CDH8: variants seen among roughly 807,000 people sequenced by gnomAD.
CDH8 encodes cadherin-8.
Under a neutral mutation model 68.1 loss-of-function variants are expected in CDH8, and 17 were observed. That is an observed-to-expected ratio of 0.25 (90% confidence interval 0.17 to 0.37). CDH8 has a LOEUF of 0.37. Ranked by LOEUF, CDH8 falls within the 10% of genes least tolerant of loss-of-function variation. The probability of loss-of-function intolerance (pLI) is 1.00; values close to 1 mark genes in which losing one functional copy is unlikely to be tolerated. For missense variants in CDH8, 763 were observed against 999.3 expected (o/e 0.76, Z 3.19); for synonymous variants, 372 against 365.1 (o/e 1.02, Z -0.21).
intron 10 of CDH8, among the ~76,000 whole-genome samples, chr16:61,711,414 T>C (rs1480563751): frequency 6.6e-6 from 1 of 151,864 alleles, no homozygotes; most frequent in Non-Finnish European, 1.5e-5. Flanking sequence ...TTTTAACATT[T>C]TTCTTGCAGG....
chr16:61,799,085 A>G (rs1270799802), intron 7 of CDH8, among the ~76,000 whole-genome samples: 1 of 152,062 alleles, frequency 6.6e-6, no homozygotes, highest in Non-Finnish European at 1.5e-5. Context: ...CTCACTGCTT[A>G]CCCCCAGGAC....
chr16:61,686,208 AATT>A (rs1964103016), intron 10 of CDH8, among the ~76,000 whole-genome samples: 1 of 152,022 alleles, frequency 6.6e-6, no homozygotes, highest in Non-Finnish European at 1.5e-5. Flanking sequence ...TGTTTAGAAA[AATT>A]ATTCAAATAA....
chr16:61,907,316 G>C (rs1476578595), intron 2 of CDH8, among the ~76,000 whole-genome samples: 1 of 152,070 alleles, frequency 6.6e-6, no homozygotes, highest in Non-Finnish European at 1.5e-5. Flanking sequence ...TGAAAATCAG[G>C]TAGCTCTGAC....
chr16:61,888,658 A>G (rs1261532908), intron 3 of CDH8, among the ~76,000 whole-genome samples: 1 of 152,204 alleles, frequency 6.6e-6, no homozygotes, highest in East Asian at 1.9e-4. Flanking sequence ...TAGAATGCTT[A>G]GGATAGCATT....
chr16:61,657,935 T>G (rs1963480317), intron 10 of CDH8, among the ~76,000 whole-genome samples: 1 of 152,106 alleles, frequency 6.6e-6, no homozygotes, highest in African/African-American at 2.4e-5. Context: ...AAATATTTTT[T>G]TACTAATCCT....
rs1280320699 is a variant in CDH8, at chr16:61,649,879, G to A, written c.*3729C>T. Reference sequence around the variant, plus strand: ...CAGTGTGGAATCCAGCTGCTCCTAGGAGATTTCTAAGTCTCATGCAGAGAC... The same window carrying A: ...CAGTGTGGAATCCAGCTGCTCCTAGAAGATTTCTAAGTCTCATGCAGAGAC... On this transcript the variant is annotated 3_prime_UTR_variant, in exon 12 of 12. Transcript: ENST00000577390. 1 of 152,072 alleles carries A rather than the reference G, an allele frequency of 6.6e-6. No homozygotes were observed. The highest frequency in any genetic ancestry group is 1.5e-5 in the Non-Finnish European group (1 of 68,006). The allele number at this position is 152,072 out of a possible 1,614,324, so 9.4% of individuals were successfully genotyped here. A position where few individuals can be genotyped will look rare whatever the true frequency, so the allele number is the denominator to read the frequency against.
chr16:61,736,553 A>G (rs1959691669), intron 8 of CDH8, among the ~76,000 whole-genome samples: 1 of 152,172 alleles, frequency 6.6e-6, no homozygotes, highest in Non-Finnish European at 1.5e-5. Context: ...TAAAACACAG[A>G]AAAAACAATA....
At chr16:61,667,883 A>C (rs1391685197) in intron 10 of CDH8, among the ~76,000 whole-genome samples, 1 of 152,052 alleles carries the variant, frequency 6.6e-6, no homozygotes, top group Non-Finnish European at 1.5e-5. Flanking sequence ...GGAGGCTAAA[A>C]ATTACAACCT....
At chr16:61,656,209 A>T (rs12446820) in intron 10 of CDH8, among the ~76,000 whole-genome samples, 6,565 of 152,132 alleles carry the variant, frequency 0.043, 414 homozygotes, top group East Asian at 0.26. Flanking sequence ...GACAACCATA[A>T]CAGGTTGAAT....
At chr16:61,708,693 G>A (rs926411469) in intron 10 of CDH8, among the ~76,000 whole-genome samples, 2 of 152,298 alleles carry the variant, frequency 1.3e-5, no homozygotes, top group Non-Finnish European at 2.9e-5. Context: ...AAACATAAAT[G>A]TCTTTTTATC....
At chr16:61,897,011 C>G (rs1244454962) in intron 3 of CDH8, among the ~76,000 whole-genome samples, 3 of 150,690 alleles carry the variant, frequency 2.0e-5, no homozygotes, top group African/African-American at 7.3e-5. Flanking sequence ...AACACATCCT[C>G]TGTGGTTTTT....
At chr16:61,687,802 C>T (rs1445010549) in intron 10 of CDH8, among the ~76,000 whole-genome samples, 2 of 152,092 alleles carry the variant, frequency 1.3e-5, no homozygotes, top group African/African-American at 4.8e-5. Context: ...CAGATTTAAC[C>T]TACGTAATTT....
chr16:61,789,288 A>G, intron 8 of CDH8, 58 bp downstream of exon 8: 1 of 1,505,162 alleles, frequency 6.6e-7, no homozygotes, highest in Non-Finnish European at 9.1e-7. Context: ...CACGTTATTA[A>G]TAAGCATAAA....
chr16:61,964,680 C>T (rs1430761534), intron 2 of CDH8, among the ~76,000 whole-genome samples: 4 of 152,066 alleles, frequency 2.6e-5, no homozygotes, highest in African/African-American at 9.7e-5. Context: ...TCGGTCTGCC[C>T]TGAAATCGTC....
chr16:61,743,852 C>T lies in CDH8; in HGVS notation c.1415-16637G>A, dbSNP rs548042775. Among the ~76,000 whole-genome samples the T allele has an allele frequency of 1.1e-4, 17 of 152,220 alleles. 1 individual carries two copies. In the South Asian group the frequency reaches 2.7e-3, roughly 24 times the overall value. ...CATGATTTGCCATGTCATTGTTTTG[C>T]TATCATTCATTTTTTAAATGTGTTA... On this transcript the variant is annotated intron_variant, in intron 8 of 11. Coordinates refer to ENST00000577390, the MANE Select transcript of CDH8 (RefSeq NM_001796.5).
rs373672661 is a variant in CDH8 at position 61,784,122 on chromosome 16, A to T, written c.1414+5224T>A. ...AAATGTAAATGGACTAAATTCTCCAATTAAAAGACACAGACTGGCAAATTG... is the reference window on the plus strand; with the variant it reads ...AAATGTAAATGGACTAAATTCTCCATTTAAAAGACACAGACTGGCAAATTG... On this transcript the variant is annotated intron_variant, in intron 8 of 11. Transcript: ENST00000577390. Among the ~76,000 whole-genome samples the T allele has an allele frequency of 7.8e-3, 1,181 of 151,420 alleles. 19 individuals are homozygous for T. Among genetic ancestry groups the T allele is most frequent in the East Asian group, 0.074 (375 of 5,088 alleles).
At chr16:61,913,552 G>A (rs564491705) in intron 2 of CDH8, among the ~76,000 whole-genome samples, 110 of 152,100 alleles carry the variant, frequency 7.2e-4, no homozygotes, top group Admixed American at 1.5e-3. Flanking sequence ...TATGCCATCG[G>A]GTCATTCTAA....
At chr16:61,908,916 G>A (rs769391689) in intron 2 of CDH8, among the ~76,000 whole-genome samples, 4 of 152,074 alleles carry the variant, frequency 2.6e-5, no homozygotes, top group African/African-American at 9.7e-5. Context: ...TGACCCTCAT[G>A]ATCACATAGT....
Position 61,647,836 on chromosome 16 carries a change from T to A in CDH8, c.*5772A>T, listed in dbSNP as rs925343399. 5.7e-6 allele frequency: 4 copies of A among 699,798 alleles called. No individual in the cohort carries two copies. Among genetic ancestry groups the A allele is most frequent in the Non-Finnish European group, 1.0e-5 (4 of 382,982 alleles). 43.3% of individuals were successfully genotyped at this position (699,798 alleles called of 1,614,324 possible). ...TTGAAGCCATGGTTTTCCACAGTCTTTCTCTTCAGACAGCATCTTGTGATA... is the reference window on the plus strand; with the variant it reads ...TTGAAGCCATGGTTTTCCACAGTCTATCTCTTCAGACAGCATCTTGTGATA... On this transcript the variant is annotated 3_prime_UTR_variant, in exon 12 of 12. Transcript: ENST00000577390.
Sources: allele counts gnomAD v4.1 joint callset (sites outside exome capture counted in the v4.1 genomes callset), GRCh38; gene constraint gnomAD v4.1.1; transcripts MANE v1.5; gene names NCBI Gene and HGNC (gene_info 2026-07-23, HGNC 2026-07-21).